The following TEAD1 variants were observed in gnomAD, a reference collection of about 807,000 sequenced individuals.
TEAD1 encodes transcriptional enhancer factor TEF-1.
Under a neutral mutation model 54.9 loss-of-function variants are expected in TEAD1, and 9 were observed. The ratio of observed to expected loss-of-function variants is 0.16; its 90% CI spans 0.10 to 0.29. The LOEUF is 0.29. Among genes scored for constraint, TEAD1 ranks in the 10% least tolerant of loss-of-function variants. TEAD1 has a pLI of 1.00. For missense variants in TEAD1, 387 were observed against 535.9 expected (o/e 0.72, Z 2.74); for synonymous variants, 200 against 187.8 (o/e 1.07, Z -0.53).
chr11:12,865,871 G>A (rs78246555), intron 5 of TEAD1, among the ~76,000 whole-genome samples: 1,892 of 152,112 alleles, frequency 0.012, 20 homozygotes, highest in South Asian at 0.033. Flanking sequence ...TGCCTTTTTC[G>A]GTTCTGTTCT....
At chr11:12,885,020 C>T (rs896651874) in intron 9 of TEAD1, among the ~76,000 whole-genome samples, 1 of 152,110 alleles carries the variant, frequency 6.6e-6, no homozygotes, top group African/African-American at 2.4e-5. Context: ...TTGAGTATTT[C>T]ATTCTGTCCT....
At position 12,907,681 on chromosome 11, in the gene TEAD1, G is replaced by A. The variant is rs369137681; in HGVS notation, c.873+5568G>A. 2.0e-4 allele frequency among the ~76,000 whole-genome samples: 31 copies of A among 152,296 alleles called. No homozygotes were observed. The East Asian group carries it at 4.6e-3, about 23-fold the overall frequency. ...CTTCTTTAAGCCAGGCACTGTGCCA[G>A]GGCTAAGCACATACTTGATATTATT... On this transcript the variant is annotated intron_variant, in intron 10 of 12. Transcript: ENST00000527636.
intron 3 of TEAD1, among the ~76,000 whole-genome samples, chr11:12,808,979 C>T (rs962307185): frequency 8.5e-5 from 13 of 152,082 alleles, no homozygotes; most frequent in East Asian, 5.8e-4. Flanking sequence ...CTGTGAAATC[C>T]GGTTTGGAAT....
At chr11:12,812,223 A>C (rs1313389614) in intron 3 of TEAD1, among the ~76,000 whole-genome samples, 1 of 151,990 alleles carries the variant, frequency 6.6e-6, no homozygotes, top group Non-Finnish European at 1.5e-5. Flanking sequence ...TGGTAGGGGA[A>C]ATGACCCTCT....
intron 5 of TEAD1, among the ~76,000 whole-genome samples, chr11:12,874,527 GC>G (rs1446340263): frequency 6.6e-6 from 1 of 152,214 alleles, no homozygotes; most frequent in African/African-American, 2.4e-5. Context: ...AAATATGAAA[GC>G]CTGTTTTTAC....
At chr11:12,784,836 TC>T (rs1383367563) in intron 3 of TEAD1, among the ~76,000 whole-genome samples, 6 of 152,136 alleles carry the variant, frequency 3.9e-5, no homozygotes. Context: ...GTTGCTGAGC[TC>T]CGTTTGGAGT....
At chr11:12,738,084 T>C (rs1246987864) in intron 2 of TEAD1, among the ~76,000 whole-genome samples, 2 of 152,104 alleles carry the variant, frequency 1.3e-5, no homozygotes, top group Admixed American at 6.6e-5. Context: ...GATTCACTTA[T>C]CTCCATCTGG....
chr11:12,782,065 A>T (rs2133949549), intron 3 of TEAD1, among the ~76,000 whole-genome samples: 1 of 151,934 alleles, frequency 6.6e-6, no homozygotes, highest in Admixed American at 6.6e-5. Context: ...TGGGAGGATC[A>T]CCTGAGCCTG....
At chr11:12,822,270 G>C (rs1003630053) in intron 3 of TEAD1, among the ~76,000 whole-genome samples, 1 of 152,176 alleles carries the variant, frequency 6.6e-6, no homozygotes, top group African/African-American at 2.4e-5. Context: ...TGCTGCAACT[G>C]TAGAGAAACT....
rs1490666266 is a variant in TEAD1 at position 12,938,020 on chromosome 11, A to C, written c.*798A>C. 1.3e-5 allele frequency: 2 copies of C among 152,552 alleles called. No individual in the cohort carries two copies. The highest frequency in any genetic ancestry group is 2.9e-5 in the Non-Finnish European group (2 of 68,018). The allele number at this position is 152,552 out of a possible 1,614,324, so 9.4% of individuals were successfully genotyped here. A position where few individuals can be genotyped will look rare whatever the true frequency, so the allele number is the denominator to read the frequency against. On this transcript the variant is annotated 3_prime_UTR_variant, in exon 13 of 13. Coordinates refer to ENST00000527636, the MANE Select transcript of TEAD1 (RefSeq NM_021961.6). Reference sequence around the variant, plus strand: ...AAAATTGTATTGTACTAATGTGATGATGGATTATTTAATGAAAAAGAAAAA... The same window carrying C: ...AAAATTGTATTGTACTAATGTGATGCTGGATTATTTAATGAAAAAGAAAAA...
chr11:12,707,162 C>T (rs1442439849), intron 2 of TEAD1, among the ~76,000 whole-genome samples: 1 of 124,300 alleles, frequency 8.0e-6, no homozygotes, highest in African/African-American at 3.1e-5. Context: ...CAGCAGAAGA[C>T]TTGTTTACTT....
At position 12,943,692 on chromosome 11, in the gene TEAD1, CCTTT is replaced by C. The variant is rs1024243125; in HGVS notation, c.*6475_*6478del. ...ATGATGAGATTTTTTTTCTCCTTCC[CCTTT>C]CTTTAAGAGAGGCTGACAGATCTAG... On this transcript the variant is annotated 3_prime_UTR_variant, in exon 13 of 13. Transcript: ENST00000527636. The C allele has an allele frequency of 6.6e-6, 1 of 152,076 alleles. No homozygotes were observed. The highest frequency in any genetic ancestry group is 2.4e-5 in the African/African-American group (1 of 41,408). The allele number at this position is 152,076 out of a possible 1,614,324, so 9.4% of individuals were successfully genotyped here.
intron 3 of TEAD1, among the ~76,000 whole-genome samples, chr11:12,773,019 G>T (rs1288865666): frequency 6.6e-6 from 1 of 152,128 alleles, no homozygotes; most frequent in Admixed American, 6.5e-5. Flanking sequence ...TATATAAATG[G>T]AATCAGACTA....
chr11:12,731,527 A>G (rs1944424564), intron 2 of TEAD1, among the ~76,000 whole-genome samples: 1 of 152,152 alleles, frequency 6.6e-6, no homozygotes, highest in Non-Finnish European at 1.5e-5. Flanking sequence ...AATTTTATTA[A>G]TATCTTTAAT....
intron 3 of TEAD1, among the ~76,000 whole-genome samples, chr11:12,796,110 C>T (rs953211783): frequency 4.6e-5 from 7 of 152,140 alleles, no homozygotes; most frequent in African/African-American, 1.2e-4. Flanking sequence ...GGCTAGTGTA[C>T]GGAATTTATT....
intron 9 of TEAD1, among the ~76,000 whole-genome samples, chr11:12,893,604 G>A (rs1471084123): frequency 6.6e-6 from 1 of 152,162 alleles, no homozygotes; most frequent in Non-Finnish European, 1.5e-5. Flanking sequence ...CACTCAGTCG[G>A]TGGGCCTTTC....
At chr11:12,799,665 G>A (rs1029385003) in intron 3 of TEAD1, among the ~76,000 whole-genome samples, 17 of 152,214 alleles carry the variant, frequency 1.1e-4, no homozygotes, top group African/African-American at 3.6e-4. Flanking sequence ...GCTTAGAGAG[G>A]TTAAGAGACT....
chr11:12,784,711 C>G (rs1168193505), intron 3 of TEAD1, among the ~76,000 whole-genome samples: 4 of 152,128 alleles, frequency 2.6e-5, no homozygotes, highest in Non-Finnish European at 5.9e-5. Context: ...TTCTGTGGCC[C>G]CCTAGGGTGA....
intron 3 of TEAD1, among the ~76,000 whole-genome samples, chr11:12,786,242 C>G (rs1470575769): frequency 2.0e-5 from 3 of 152,338 alleles, no homozygotes; most frequent in African/African-American, 7.2e-5. Context: ...GATGAATGCT[C>G]TGCCTGGTAG....
Sources: gnomAD v4.1 joint callset for allele counts (sites outside exome capture counted in the v4.1 genomes callset) on GRCh38, gnomAD v4.1.1 for gene constraint, MANE v1.5 for transcripts, NCBI Gene and HGNC (gene_info 2026-07-23, HGNC 2026-07-21) for gene names.